Variants in MACROD2 observed in about 807,000 individuals in gnomAD.
The protein encoded by MACROD2 is mono-ADP ribosylhydrolase 2, also known as ADP-ribose glycohydrolase MACROD2.
Under a neutral mutation model 70.4 loss-of-function variants are expected in MACROD2, and 36 were observed. The observed-to-expected ratio is 0.51, with a 90% confidence interval of 0.39 to 0.68. The LOEUF (loss-of-function observed/expected upper bound fraction) is 0.68. MACROD2 is among the 30% of genes least tolerant of loss of function. MACROD2 has a pLI of 0.00. For synonymous variants in MACROD2, 172 were observed against 178.8 expected (o/e 0.96, Z 0.30); for missense variants, 496 against 538.4 (o/e 0.92, Z 0.78).
At chr20:14,166,321 G>A (rs933206543) in intron 3 of MACROD2, among the ~76,000 whole-genome samples, 9 of 151,746 alleles carry the variant, frequency 5.9e-5, no homozygotes, top group East Asian at 1.9e-4. Context: ...AGACAATTCC[G>A]TGTGTGTATG....
At chr20:14,148,701 T>C (rs2054972767) in intron 3 of MACROD2, among the ~76,000 whole-genome samples, 1 of 152,210 alleles carries the variant, frequency 6.6e-6, no homozygotes, top group African/African-American at 2.4e-5. Flanking sequence ...GCTGGTGTTG[T>C]ATTATGCAGA....
chr20:14,810,046 C>G (rs2072690211), intron 5 of MACROD2, among the ~76,000 whole-genome samples: 1 of 152,018 alleles, frequency 6.6e-6, no homozygotes, highest in East Asian at 1.9e-4. Flanking sequence ...TGAAACTATT[C>G]CAAACAATAG....
intron 3 of MACROD2, among the ~76,000 whole-genome samples, chr20:14,340,438 G>A (rs2083001235): frequency 6.6e-6 from 1 of 152,172 alleles, no homozygotes; most frequent in Non-Finnish European, 1.5e-5. Flanking sequence ...GAACAAAAAG[G>A]ACACTAAGAA....
chr20:15,562,092 A>G (rs2048252479), intron 8 of MACROD2, among the ~76,000 whole-genome samples: 1 of 152,158 alleles, frequency 6.6e-6, no homozygotes, highest in Non-Finnish European at 1.5e-5. Context: ...AGTGTAGACA[A>G]CAACTTATTC....
intron 10 of MACROD2, among the ~76,000 whole-genome samples, chr20:15,895,770 C>T (rs1324666249): frequency 6.6e-6 from 1 of 152,210 alleles, no homozygotes; most frequent in East Asian, 1.9e-4. Flanking sequence ...GCCGGGGGCT[C>T]AGATGTTCCC....
At chr20:15,789,926 A>G (rs2063609353) in intron 8 of MACROD2, among the ~76,000 whole-genome samples, 1 of 152,056 alleles carries the variant, frequency 6.6e-6, no homozygotes, top group African/African-American at 2.4e-5. Context: ...ATGAATAACT[A>G]TGAAAATTAT....
At chr20:14,883,835 T>G (rs1163998653) in intron 5 of MACROD2, among the ~76,000 whole-genome samples, 3 of 152,160 alleles carry the variant, frequency 2.0e-5, no homozygotes, top group Non-Finnish European at 4.4e-5. Flanking sequence ...TTTACTAGAG[T>G]ACCTATTAAA....
At chr20:14,039,496 G>A (rs997926632) in intron 2 of MACROD2, among the ~76,000 whole-genome samples, 40 of 151,920 alleles carry the variant, frequency 2.6e-4, no homozygotes, top group African/African-American at 9.2e-4. Flanking sequence ...GTAAAATTAG[G>A]ATTTATTTGG....
chr20:14,684,640 A>C (rs942851595), intron 4 of MACROD2, among the ~76,000 whole-genome samples: 1 of 98,384 alleles, frequency 1.0e-5, no homozygotes, highest in Non-Finnish European at 2.0e-5. Flanking sequence ...TGTTCACCAC[A>C]TAACCTCACC....
At chr20:14,516,543 G>A (rs926992604) in intron 4 of MACROD2, among the ~76,000 whole-genome samples, 29 of 152,180 alleles carry the variant, frequency 1.9e-4, no homozygotes, top group Non-Finnish European at 2.8e-4. Flanking sequence ...TCCCAGCACA[G>A]TTTATTAAAT....
chr20:15,257,045 A>T (rs1447623563), intron 6 of MACROD2, among the ~76,000 whole-genome samples: 1 of 152,064 alleles, frequency 6.6e-6, no homozygotes, highest in Non-Finnish European at 1.5e-5. Flanking sequence ...AAACCATAGG[A>T]CAATGACAAA....
At chr20:14,282,455 C>A (rs1253496854) in intron 3 of MACROD2, among the ~76,000 whole-genome samples, 1 of 152,160 alleles carries the variant, frequency 6.6e-6, no homozygotes, top group East Asian at 1.9e-4. Flanking sequence ...TATGACCTCT[C>A]CATGTGACCT....
At chr20:15,803,695 G>C (rs1399927469) in intron 8 of MACROD2, among the ~76,000 whole-genome samples, 1 of 152,126 alleles carries the variant, frequency 6.6e-6, no homozygotes, top group Non-Finnish European at 1.5e-5. Context: ...GGGACATTCT[G>C]TCATGGTGAG....
chr20:15,138,975 A>G (rs2076171470), intron 5 of MACROD2, among the ~76,000 whole-genome samples: 1 of 152,148 alleles, frequency 6.6e-6, no homozygotes, highest in Non-Finnish European at 1.5e-5. Context: ...CTAATCATAG[A>G]AGGAGTTGGC....
intron 3 of MACROD2, among the ~76,000 whole-genome samples, chr20:14,290,580 G>A (rs1016266670): frequency 6.6e-6 from 1 of 151,246 alleles, no homozygotes; most frequent in African/African-American, 2.4e-5. Context: ...CACAATTTCG[G>A]CTCACCACAA....
At chr20:14,450,885 G>A (rs1299796902) in intron 3 of MACROD2, among the ~76,000 whole-genome samples, 1 of 152,076 alleles carries the variant, frequency 6.6e-6, no homozygotes, top group African/African-American at 2.4e-5. Flanking sequence ...GGTTACACTA[G>A]AGCATGAAGT....
At chr20:15,634,050 T>C (rs1325398604) in intron 8 of MACROD2, among the ~76,000 whole-genome samples, 1 of 152,258 alleles carries the variant, frequency 6.6e-6, no homozygotes, top group African/African-American at 2.4e-5. Flanking sequence ...CTAGGTTTTT[T>C]CCTCTCTGGT....
rs141630518 is a variant in MACROD2 at position 14,032,910 on chromosome 20, C to G, written c.163+30506C>G. On this transcript the variant is annotated intron_variant, in intron 2 of 17. Transcript: ENST00000684519. ...ATAACTTTCTGATCTTTAGTAAGTG[C>G]TAGCTTTTATAATTATTATTGCTCT... Among the ~76,000 whole-genome samples, 196 of 152,238 alleles carry G rather than the reference C, an allele frequency of 1.3e-3. 1 individual carries two copies. The East Asian group carries it at 0.028, about 22-fold the overall frequency.
intron 5 of MACROD2, among the ~76,000 whole-genome samples, chr20:14,875,628 T>G (rs2073541961): frequency 1.3e-5 from 2 of 152,118 alleles, no homozygotes; most frequent in Non-Finnish European, 2.9e-5. Context: ...TTTCAGCCTT[T>G]ACTCTTCTTT....
Sources: allele counts gnomAD v4.1 joint callset (sites outside exome capture counted in the v4.1 genomes callset), GRCh38; gene constraint gnomAD v4.1.1; transcripts MANE v1.5; gene names NCBI Gene and HGNC (gene_info 2026-07-23, HGNC 2026-07-21).